HMGB1: variants seen among roughly 807,000 people sequenced by gnomAD.
HMGB1 encodes high mobility group box 1, also known as high mobility group protein B1.
For missense variants in HMGB1, 79 were observed against 253.5 expected, an observed-to-expected ratio of 0.31 and a Z score of 4.67; for synonymous variants, 81 against 84.0, an observed-to-expected ratio of 0.96 and a Z score of 0.19.
chr13:30,611,117 G>A (rs1403175429), intron 1 of HMGB1, among the ~76,000 whole-genome samples: 1 of 152,136 alleles, frequency 6.6e-6, no homozygotes, highest in African/African-American at 2.4e-5. Flanking sequence ...GTTTATGGCT[G>A]GAGTCATTTT....
intron 1 of HMGB1, among the ~76,000 whole-genome samples, chr13:30,605,612 T>G (rs1411915628): frequency 3.3e-5 from 5 of 152,126 alleles, no homozygotes; most frequent in South Asian, 2.1e-4. Flanking sequence ...AAGACAGGAA[T>G]AAAAGTCTCA....
Position 30,543,238 on chromosome 13 carries a change from T to C in HMGB1, c.-15+73433A>G, listed in dbSNP as rs143387863. On this transcript the variant is annotated intron_variant, in intron 1 of 4. Transcript: ENST00000405805. The stretch of plus-strand genomic sequence containing the variant: ...GCCTCCCAGGTTCAAGCGATTTTCA[T>C]GCCTCAGCCTCCAGAGTAGCTGGGA... 818 of 151,460 alleles carry C rather than the reference T, an allele frequency of 5.4e-3. 7 individuals are homozygous for C. Among genetic ancestry groups the C allele is most frequent in the African/African-American group, 0.014 (586 of 41,070 alleles). 9.4% of individuals were successfully genotyped at this position (151,460 alleles called of 1,614,324 possible).
intron 1 of HMGB1, among the ~76,000 whole-genome samples, chr13:30,607,047 A>C (rs1200321528): frequency 1.3e-5 from 2 of 152,224 alleles, no homozygotes; most frequent in Admixed American, 6.5e-5. Context: ...ATTTTAATCA[A>C]AGCACTGCCA....
chr13:30,504,736 T>C (rs1373823353), intron 1 of HMGB1, among the ~76,000 whole-genome samples: 1 of 151,360 alleles, frequency 6.6e-6, no homozygotes, highest in Non-Finnish European at 1.5e-5. Context: ...AGGAATGAAG[T>C]TGAAGGGTAA....
intron 1 of HMGB1, among the ~76,000 whole-genome samples, chr13:30,612,566 T>G (rs969344508): frequency 1.3e-5 from 2 of 152,238 alleles, no homozygotes; most frequent in Non-Finnish European, 2.9e-5. Flanking sequence ...TTTCTACCAC[T>G]TCTCCTTTTC....
chr13:30,464,720 G>GCCGCCT, intron 1 of HMGB1: 1 of 814,580 alleles, frequency 1.2e-6, no homozygotes, highest in Non-Finnish European at 1.5e-6. Flanking sequence ...CGCCGCCGCC[G>GCCGCCT]CCGCGAGGGC....
intron 1 of HMGB1, among the ~76,000 whole-genome samples, chr13:30,560,073 G>A (rs1178442520): frequency 1.3e-5 from 2 of 151,852 alleles, no homozygotes; most frequent in African/African-American, 4.8e-5. Flanking sequence ...TGTTTCTCTT[G>A]TATCCTGTAG....
At chr13:30,578,136 T>C (rs1870739028) in intron 1 of HMGB1, among the ~76,000 whole-genome samples, 1 of 151,994 alleles carries the variant, frequency 6.6e-6, no homozygotes, top group African/African-American at 2.4e-5. Flanking sequence ...CCTTGCCCTT[T>C]GCTTCCCTTG....
intron 1 of HMGB1, among the ~76,000 whole-genome samples, chr13:30,521,189 T>C (rs1432747778): frequency 6.6e-6 from 1 of 152,198 alleles, no homozygotes; most frequent in East Asian, 1.9e-4. Flanking sequence ...TCAATGGCCT[T>C]TGTGTTGCCC....
intron 1 of HMGB1, among the ~76,000 whole-genome samples, chr13:30,575,586 T>G (rs1870617988): frequency 6.6e-6 from 1 of 152,210 alleles, no homozygotes; most frequent in African/African-American, 2.4e-5. Flanking sequence ...GAAGGCAATT[T>G]TGAAATCCTG....
intron 1 of HMGB1, chr13:30,464,651 C>G: frequency 2.0e-6 from 2 of 983,668 alleles, no homozygotes; most frequent in Non-Finnish European, 1.2e-6. Context: ...GGGCTGGCTC[C>G]GCCCGCGGCC....
At chr13:30,507,950 C>T (rs959826719) in intron 1 of HMGB1, among the ~76,000 whole-genome samples, 11 of 152,044 alleles carry the variant, frequency 7.2e-5, no homozygotes, top group African/African-American at 1.7e-4. Context: ...CGAGCTATGA[C>T]GGCACTACTA....
At chr13:30,493,645 A>G (rs141383881) in intron 1 of HMGB1, among the ~76,000 whole-genome samples, 2,734 of 152,210 alleles carry the variant, frequency 0.018, 46 homozygotes, top group African/African-American at 0.046. Flanking sequence ...ATAAAAATGA[A>G]AAAATTAGCC....
At chr13:30,608,956 A>AT (rs1276959584) in intron 1 of HMGB1, among the ~76,000 whole-genome samples, 1 of 152,216 alleles carries the variant, frequency 6.6e-6, no homozygotes, top group Non-Finnish European at 1.5e-5. Context: ...AACAGAAACT[A>AT]TAAAAAACAC....
At chr13:30,546,684 T>G (rs1298471124) in intron 1 of HMGB1, among the ~76,000 whole-genome samples, 1 of 151,996 alleles carries the variant, frequency 6.6e-6, no homozygotes, top group Non-Finnish European at 1.5e-5. Context: ...GGGGTCTTGC[T>G]ATGTTGTCCA....
chr13:30,462,600 C>T lies in HMGB1; in HGVS notation c.409G>A (p.Ala137Thr), dbSNP rs1312166825. The T allele has an allele frequency of 1.9e-6, 3 of 1,609,606 alleles. No individual in the cohort carries two copies. Among genetic ancestry groups the T allele is most frequent in the South Asian group, 1.1e-5 (1 of 90,972 alleles). Residue 137 changes from alanine (A) to threonine (T), a missense_variant, in exon 4 of 5, where the codon GCT becomes ACT. Physicochemically the swap from Ala to Thr is moderately conservative, Grantham distance 58 (BLOSUM62 0). Transcript: ENST00000341423. ...TCATAAGGCTGCTTGTCATCTGCAG[C>T]AGTGTTATTCCACATCTCTCCCAGT... Reference protein sequence around the residue: ...KKLGEMWNNTAADDKQPYEKK... With the variant: ...KKLGEMWNNTTADDKQPYEKK...
rs115653998 is a variant in HMGB1, at chr13:30,606,069, G to T, written c.-15+10602C>A. Among the ~76,000 whole-genome samples the T allele has an allele frequency of 5.5e-3, 840 of 152,276 alleles. 5 individuals are homozygous for T. Among genetic ancestry groups the T allele is most frequent in the African/African-American group, 0.018 (733 of 41,550 alleles). ...AAACCAGGATCAAGTCAAAGTCCAT[G>T]CACAGCATTTGGTTGTCATGTGTCT... is the stretch of plus-strand genomic sequence containing the variant. On this transcript the variant is annotated intron_variant, in intron 1 of 4. Coordinates refer to the HMGB1 transcript ENST00000405805.
chr13:30,517,810 C>A (rs967624277), intron 1 of HMGB1, among the ~76,000 whole-genome samples: 1 of 151,974 alleles, frequency 6.6e-6, no homozygotes, highest in East Asian at 1.9e-4. Context: ...ATACAAAAAC[C>A]AAAAATCAGA....
chr13:30,617,088 T>G (rs1950573146), exon 1 of HMGB1: 1 of 152,020 alleles, frequency 6.6e-6, no homozygotes, highest in Non-Finnish European at 1.5e-5. Context: ...AAATGAGAAC[T>G]CCCCCTTTCT....
Sources: allele counts gnomAD v4.1 joint callset (sites outside exome capture counted in the v4.1 genomes callset), GRCh38; gene constraint gnomAD v4.1.1; transcripts MANE v1.5; gene names NCBI Gene and HGNC (gene_info 2026-07-23, HGNC 2026-07-21).